Variants in RPS6KC1 observed in about 807,000 individuals in gnomAD.
RPS6KC1 encodes the protein ribosomal protein S6 kinase C1.
In RPS6KC1, 54 loss-of-function variants were observed where a neutral mutation model predicts 103.8. The ratio of observed to expected loss-of-function variants is 0.52; its 90% CI spans 0.42 to 0.65. The LOEUF (loss-of-function observed/expected upper bound fraction) is 0.65. RPS6KC1 is among the 30% of genes least tolerant of loss of function. The pLI, the probability that RPS6KC1 is intolerant of heterozygous loss-of-function variation, is 0.00. For missense variants in RPS6KC1, 1,151 were observed against 1,253.8 expected (o/e 0.92, Z 1.24); for synonymous variants, 439 against 438.7 (o/e 1.00, Z -0.01).
the RPS6KC1 span, among the ~76,000 whole-genome samples, chr1:213,522,028 T>G: frequency 1.3e-5 from 2 of 152,206 alleles, no homozygotes; most frequent in Non-Finnish European, 2.9e-5. Context: ...CGTTTTCAAT[T>G]TACTTTCCCC....
At chr1:213,326,849 C>G in the RPS6KC1 span, among the ~76,000 whole-genome samples, 6 of 152,204 alleles carry the variant, frequency 3.9e-5, no homozygotes, top group African/African-American at 1.4e-4. Context: ...CAGATTCAGA[C>G]AGATTTGGGT....
At chr1:213,486,416 AT>A in the RPS6KC1 span, among the ~76,000 whole-genome samples, 9 of 151,808 alleles carry the variant, frequency 5.9e-5, no homozygotes, top group South Asian at 1.5e-3. Context: ...TTATTTTTTT[AT>A]TTTTTTTATT....
At chr1:213,713,360 T>G in the RPS6KC1 span, among the ~76,000 whole-genome samples, 1 of 152,224 alleles carries the variant, frequency 6.6e-6, no homozygotes, top group Non-Finnish European at 1.5e-5. Context: ...ACTTCTGCTT[T>G]GTGATCTCGC....
At chr1:213,083,148 AG>A (rs2080058096) in intron 3 of RPS6KC1, among the ~76,000 whole-genome samples, 2 of 152,202 alleles carry the variant, frequency 1.3e-5, no homozygotes, top group Non-Finnish European at 2.9e-5. Context: ...CAAGCAGAAA[AG>A]CAGTACAAAG....
At chr1:213,569,870 A>G in the RPS6KC1 span, among the ~76,000 whole-genome samples, 2 of 152,202 alleles carry the variant, frequency 1.3e-5, no homozygotes, top group Non-Finnish European at 2.9e-5. Context: ...GCTACAAAGA[A>G]ATCTAAGGCC....
the RPS6KC1 span, among the ~76,000 whole-genome samples, chr1:213,563,568 T>C: frequency 6.6e-6 from 1 of 152,150 alleles, no homozygotes; most frequent in Non-Finnish European, 1.5e-5. Flanking sequence ...AACTTTATTT[T>C]CTGTTTTCTA....
intron 6 of RPS6KC1, among the ~76,000 whole-genome samples, chr1:213,157,360 C>T (rs991510300): frequency 6.6e-6 from 1 of 152,084 alleles, no homozygotes; most frequent in South Asian, 2.1e-4. Context: ...GTGCCTGCCA[C>T]CATGTCCGGC....
At chr1:213,366,511 T>C in the RPS6KC1 span, among the ~76,000 whole-genome samples, 28 of 152,350 alleles carry the variant, frequency 1.8e-4, no homozygotes, top group Middle Eastern at 3.4e-3. Flanking sequence ...TATTTTAGGC[T>C]TTGTGGGCCA....
intron 8 of RPS6KC1, among the ~76,000 whole-genome samples, chr1:213,212,093 A>G (rs2093522569): frequency 6.6e-6 from 1 of 152,050 alleles, no homozygotes; most frequent in African/African-American, 2.4e-5. Flanking sequence ...ATAATGACTT[A>G]CAGTTCATAG....
At chr1:213,490,768 G>T in the RPS6KC1 span, among the ~76,000 whole-genome samples, 1 of 152,252 alleles carries the variant, frequency 6.6e-6, no homozygotes, top group Non-Finnish European at 1.5e-5. Context: ...TTGCTTTAAA[G>T]AGGATCTGAA....
the RPS6KC1 span, among the ~76,000 whole-genome samples, chr1:213,414,602 C>T: frequency 1.3e-5 from 2 of 152,152 alleles, no homozygotes; most frequent in Non-Finnish European, 2.9e-5. Flanking sequence ...AGGGACCAGC[C>T]CCTTCTGACC....
At chr1:213,403,019 G>A in the RPS6KC1 span, among the ~76,000 whole-genome samples, 2 of 150,304 alleles carry the variant, frequency 1.3e-5, no homozygotes, top group South Asian at 2.1e-4. Context: ...TCCCAGCTAC[G>A]AGGGAGGCTG....
At position 213,241,395 on chromosome 1, in the gene RPS6KC1, G is replaced by A. The variant is rs1174621793; in HGVS notation, c.1919G>A (p.Ser640Asn). 4 of 1,613,756 alleles carry A rather than the reference G, an allele frequency of 2.5e-6. No individual in the cohort carries two copies. Among genetic ancestry groups the A allele is most frequent in the African/African-American group, 2.7e-5 (2 of 74,912 alleles). ...KPFFTLPDGD[S>N]ASRSFNTSES... ...TTCTTTACTCTTCCAGATGGAGACA[G>A]TGCTTCTAGGAGTTTTAATACTAGT... Residue 640 changes from serine to asparagine, a missense_variant, in exon 11 of 15, where the codon AGT becomes AAT. Ser to Asn is a conservative substitution (Grantham distance 46). Coordinates refer to ENST00000366960, the MANE Select transcript of RPS6KC1 (RefSeq NM_012424.6).
chr1:213,770,238 G>T, the RPS6KC1 span, among the ~76,000 whole-genome samples: 1 of 152,236 alleles, frequency 6.6e-6, no homozygotes, highest in East Asian at 1.9e-4. Context: ...GCAGCAACTG[G>T]GACTCAAGCT....
At chr1:213,178,330 A>G (rs1285200055) in intron 8 of RPS6KC1, among the ~76,000 whole-genome samples, 1 of 152,034 alleles carries the variant, frequency 6.6e-6, no homozygotes, top group Non-Finnish European at 1.5e-5. Flanking sequence ...ACTTGAGACC[A>G]GGAGTTCGAG....
the RPS6KC1 span, among the ~76,000 whole-genome samples, chr1:213,704,939 C>T: frequency 6.6e-6 from 1 of 152,230 alleles, no homozygotes; most frequent in Non-Finnish European, 1.5e-5. Flanking sequence ...GGCAGAGACT[C>T]TTGTTCTCTT....
At chr1:213,077,015 G>A (rs6679510) in intron 2 of RPS6KC1, among the ~76,000 whole-genome samples, 109,342 of 151,926 alleles carry the variant, frequency 0.72, 40,366 homozygotes, top group African/African-American at 0.87. Flanking sequence ...GATTACAGGC[G>A]TCCACCACCA....
chr1:213,748,396 C>T, the RPS6KC1 span, among the ~76,000 whole-genome samples: 1 of 152,194 alleles, frequency 6.6e-6, no homozygotes, highest in African/African-American at 2.4e-5. Flanking sequence ...GTCTACTGGA[C>T]ATTATCAAAA....
At chr1:213,385,385 A>T in the RPS6KC1 span, among the ~76,000 whole-genome samples, 3 of 152,216 alleles carry the variant, frequency 2.0e-5, no homozygotes, top group Non-Finnish European at 4.4e-5. Flanking sequence ...CCAGGGCCAC[A>T]CAGCTAGTAA....
Sources: allele counts gnomAD v4.1 joint callset (sites outside exome capture counted in the v4.1 genomes callset), GRCh38; gene constraint gnomAD v4.1.1; transcripts MANE v1.5; gene names NCBI Gene and HGNC (gene_info 2026-07-23, HGNC 2026-07-21).